HS2ST1: variants seen among roughly 807,000 people sequenced by gnomAD.
The protein encoded by HS2ST1 is heparan sulfate 2-O-sulfotransferase 1.
HS2ST1 carries 18 observed loss-of-function variants against 42.9 expected under a neutral mutation model. The ratio of observed to expected loss-of-function variants is 0.42; its 90% CI spans 0.29 to 0.62. The LOEUF (loss-of-function observed/expected upper bound fraction) is 0.62. Ranked by LOEUF, HS2ST1 falls within the 20% of genes least tolerant of loss-of-function variation. The pLI, the probability that HS2ST1 is intolerant of heterozygous loss-of-function variation, is 0.21. For synonymous variants in HS2ST1, 146 were observed against 152.9 expected (o/e 0.95, Z 0.33); for missense variants, 334 against 433.8 (o/e 0.77, Z 2.04).
intron 1 of HS2ST1, among the ~76,000 whole-genome samples, chr1:87,009,761 G>A (rs1437234161): frequency 6.6e-6 from 1 of 152,024 alleles, no homozygotes; most frequent in African/African-American, 2.4e-5. Context: ...GAGGCCAGGT[G>A]CGGTGGCTTA....
At chr1:87,035,081 A>T (rs779291286) in intron 1 of HS2ST1, among the ~76,000 whole-genome samples, 3 of 152,202 alleles carry the variant, frequency 2.0e-5, no homozygotes, top group Non-Finnish European at 4.4e-5. Flanking sequence ...CCATGAGCCA[A>T]GGAATGAATG....
chr1:87,061,412 C>G (rs1292885530), intron 1 of HS2ST1, among the ~76,000 whole-genome samples: 1 of 152,070 alleles, frequency 6.6e-6, no homozygotes, highest in African/African-American at 2.4e-5. Context: ...CTCCCTCCCC[C>G]CATTCCCTGG....
chr1:86,937,074 C>T (rs566751729), intron 1 of HS2ST1, among the ~76,000 whole-genome samples: 3 of 151,790 alleles, frequency 2.0e-5, no homozygotes, highest in African/African-American at 7.3e-5. Flanking sequence ...TACTGCACTC[C>T]AGCCTGGGCA....
intron 1 of HS2ST1, among the ~76,000 whole-genome samples, chr1:86,964,041 C>T (rs1365373211): frequency 7.6e-6 from 1 of 132,150 alleles, no homozygotes; most frequent in East Asian, 2.3e-4. Flanking sequence ...CAGACGGGGT[C>T]GCGGCCGGGC....
chr1:87,097,966 T>G (rs781207130), intron 5 of HS2ST1, 31 bp downstream of exon 5: 3 of 1,613,462 alleles, frequency 1.9e-6, no homozygotes, highest in Non-Finnish European at 2.5e-6. Context: ...TCAGATTGAT[T>G]ATCATCCTTA....
At chr1:86,992,285 T>A (rs1382600557) in intron 1 of HS2ST1, among the ~76,000 whole-genome samples, 5 of 152,106 alleles carry the variant, frequency 3.3e-5, no homozygotes, top group African/African-American at 1.2e-4. Flanking sequence ...GAGTAGGTTT[T>A]AACATTCTCA....
chr1:86,975,482 A>G (rs549440517), intron 1 of HS2ST1, among the ~76,000 whole-genome samples: 2 of 152,226 alleles, frequency 1.3e-5, no homozygotes, highest in South Asian at 4.1e-4. Context: ...ACATATAGCT[A>G]TGTAGCTACT....
At chr1:86,993,993 C>T (rs569979507) in intron 1 of HS2ST1, among the ~76,000 whole-genome samples, 26 of 152,122 alleles carry the variant, frequency 1.7e-4, no homozygotes, top group Non-Finnish European at 2.8e-4. Context: ...TTTTGTTAAG[C>T]TTTTAACTTA....
At chr1:87,081,770 G>A (rs758158225) in intron 2 of HS2ST1, among the ~76,000 whole-genome samples, 7 of 151,874 alleles carry the variant, frequency 4.6e-5, no homozygotes, top group South Asian at 4.2e-4. Flanking sequence ...GGCAGATCAC[G>A]AGGTCAAGAG....
chr1:87,010,525 G>A (rs1570482556), intron 1 of HS2ST1, among the ~76,000 whole-genome samples: 1 of 151,680 alleles, frequency 6.6e-6, no homozygotes, highest in East Asian at 1.9e-4. Context: ...TGTTTTTTTT[G>A]TATAGAGTAC....
chr1:87,028,592 A>G (rs1452017226), intron 1 of HS2ST1, among the ~76,000 whole-genome samples: 1 of 152,226 alleles, frequency 6.6e-6, no homozygotes, highest in African/African-American at 2.4e-5. Context: ...TAAACTGTAG[A>G]AAATTAGAAA....
At chr1:86,984,072 C>T (rs559579261) in intron 1 of HS2ST1, among the ~76,000 whole-genome samples, 11 of 152,000 alleles carry the variant, frequency 7.2e-5, no homozygotes, top group South Asian at 6.2e-4. Context: ...TAGTAATAAC[C>T]ATTTATTAGA....
intron 5 of HS2ST1, among the ~76,000 whole-genome samples, chr1:87,101,219 G>A (rs961612909): frequency 7.6e-6 from 1 of 132,056 alleles, no homozygotes; most frequent in Non-Finnish European, 1.6e-5. Flanking sequence ...AGGCTGGAGT[G>A]CAGTGGCACG....
intron 1 of HS2ST1, among the ~76,000 whole-genome samples, chr1:86,982,651 A>T (rs1648630487): frequency 1.3e-5 from 2 of 152,032 alleles, no homozygotes; most frequent in Non-Finnish European, 2.9e-5. Flanking sequence ...AGTAGCTGGG[A>T]CTACAAGCGC....
At chr1:87,042,950 C>T (rs968533198) in intron 1 of HS2ST1, among the ~76,000 whole-genome samples, 2 of 152,044 alleles carry the variant, frequency 1.3e-5, no homozygotes, top group African/African-American at 4.8e-5. Flanking sequence ...ATGTCTGAAA[C>T]CCAGCCCTCT....
intron 1 of HS2ST1, among the ~76,000 whole-genome samples, chr1:87,057,329 A>G (rs1439385594): frequency 6.6e-6 from 1 of 152,182 alleles, no homozygotes; most frequent in Non-Finnish European, 1.5e-5. Context: ...AAGTTTCAGA[A>G]TGCTGGCTTA....
At chr1:87,093,313 G>T (rs78799644) in intron 4 of HS2ST1, among the ~76,000 whole-genome samples, 1 of 152,060 alleles carries the variant, frequency 6.6e-6, no homozygotes, top group East Asian at 1.9e-4. Flanking sequence ...CCAGTGCTTC[G>T]GCCACATGAA....
chr1:86,958,299 T>C (rs945049610), intron 1 of HS2ST1: 2 of 152,240 alleles, frequency 1.3e-5, no homozygotes, highest in African/African-American at 4.8e-5. Flanking sequence ...TTATGTGTAT[T>C]CTGTACTGTA....
chr1:87,018,904 C>A (rs1232577620), intron 1 of HS2ST1, among the ~76,000 whole-genome samples: 1 of 152,106 alleles, frequency 6.6e-6, no homozygotes, highest in Non-Finnish European at 1.5e-5. Context: ...TGTGTGATTT[C>A]TAATTTCTAA....
Sources: allele counts gnomAD v4.1 joint callset (sites outside exome capture counted in the v4.1 genomes callset), GRCh38; gene constraint gnomAD v4.1.1; transcripts MANE v1.5; gene names NCBI Gene and HGNC (gene_info 2026-07-23, HGNC 2026-07-21).